Variants in ANKS1B observed in about 807,000 individuals in gnomAD.
ANKS1B encodes ankyrin repeat and sterile alpha motif domain-containing protein 1B.
In ANKS1B, 36 loss-of-function variants were observed where a neutral mutation model predicts 148.3. That is an observed-to-expected ratio of 0.24 (90% CI 0.19 to 0.32). The LOEUF (loss-of-function observed/expected upper bound fraction) is 0.32, where lower values mean the gene tolerates loss of function less well. Ranked by LOEUF, ANKS1B falls within the 10% of genes least tolerant of loss-of-function variation. ANKS1B has a pLI of 1.00. For missense variants in ANKS1B, 1,157 were observed against 1,542.6 expected (o/e 0.75, Z 4.19); for synonymous variants, 542 against 560.8 (o/e 0.97, Z 0.47).
At chr12:99,220,026 A>G (rs1046645062) in intron 14 of ANKS1B, among the ~76,000 whole-genome samples, 12 of 152,174 alleles carry the variant, frequency 7.9e-5, no homozygotes, top group African/African-American at 2.9e-4. Flanking sequence ...TTGAGATGGA[A>G]TCTTGCTCTG....
chr12:98,875,155 C>A (rs1357770447), intron 17 of ANKS1B, among the ~76,000 whole-genome samples: 1 of 152,196 alleles, frequency 6.6e-6, no homozygotes, highest in African/African-American at 2.4e-5. Flanking sequence ...GACAATTCTG[C>A]CTCCTTGCCT....
intron 4 of ANKS1B, among the ~76,000 whole-genome samples, chr12:99,784,137 C>G (rs1035364807): frequency 6.6e-6 from 1 of 151,498 alleles, no homozygotes; most frequent in Non-Finnish European, 1.5e-5. Context: ...TTCCAAACCT[C>G]ATACCCTATG....
chr12:99,904,379 G>A (rs2153775967), intron 1 of ANKS1B, among the ~76,000 whole-genome samples: 1 of 151,928 alleles, frequency 6.6e-6, no homozygotes, highest in Non-Finnish European at 1.5e-5. Flanking sequence ...TTTAGTAGAA[G>A]AGGGGTTTCA....
At chr12:99,477,098 T>G (rs1453731521) in intron 10 of ANKS1B, among the ~76,000 whole-genome samples, 3 of 152,286 alleles carry the variant, frequency 2.0e-5, no homozygotes, top group Middle Eastern at 6.8e-3. Context: ...CCAGAGGTCT[T>G]TGTAACCTGA....
chr12:99,377,554 G>C (rs1006866076), intron 12 of ANKS1B, among the ~76,000 whole-genome samples: 1 of 152,112 alleles, frequency 6.6e-6, no homozygotes, highest in Non-Finnish European at 1.5e-5. Flanking sequence ...ATTGTGACTA[G>C]TACAAAGCAT....
At chr12:99,626,422 A>T (rs1038217376) in intron 9 of ANKS1B, among the ~76,000 whole-genome samples, 1 of 152,160 alleles carries the variant, frequency 6.6e-6, no homozygotes, top group Non-Finnish European at 1.5e-5. Flanking sequence ...TCATCACTAC[A>T]TGTTTGAAAA....
chr12:98,766,830 T>A (rs1430274889), intron 25 of ANKS1B, among the ~76,000 whole-genome samples: 1 of 152,170 alleles, frequency 6.6e-6, no homozygotes, highest in African/African-American at 2.4e-5. Flanking sequence ...TTCCTTTTTT[T>A]TTGAGACAGA....
intron 17 of ANKS1B, among the ~76,000 whole-genome samples, chr12:98,882,556 C>T (rs1019407968): frequency 6.6e-5 from 10 of 152,064 alleles, no homozygotes; most frequent in Non-Finnish European, 1.0e-4. Flanking sequence ...CAAAAACTAG[C>T]TTTGTGATTT....
intron 9 of ANKS1B, among the ~76,000 whole-genome samples, chr12:99,609,360 A>G (rs1304249448): frequency 6.6e-6 from 1 of 151,968 alleles, no homozygotes; most frequent in Non-Finnish European, 1.5e-5. Flanking sequence ...CAAAACCAGT[A>G]AGTCTTTTAC....
chr12:99,636,063 C>CA (rs35614711), intron 9 of ANKS1B, among the ~76,000 whole-genome samples: 21,683 of 150,760 alleles, frequency 0.14, 1,749 homozygotes, highest in Middle Eastern at 0.19. Flanking sequence ...TTTTACACCA[C>CA]AAAAAAAAGA....
At chr12:99,524,274 T>C (rs763143747) in intron 9 of ANKS1B, among the ~76,000 whole-genome samples, 25 of 152,166 alleles carry the variant, frequency 1.6e-4, no homozygotes, top group Non-Finnish European at 2.2e-4. Context: ...AAAGAATGAA[T>C]GACAGAAAGG....
chr12:99,737,090 G>A (rs1204191367), intron 8 of ANKS1B, among the ~76,000 whole-genome samples: 1 of 152,118 alleles, frequency 6.6e-6, no homozygotes, highest in African/African-American at 2.4e-5. Flanking sequence ...TGATAAAAAT[G>A]TAAATTAGTA....
intron 1 of ANKS1B, among the ~76,000 whole-genome samples, chr12:99,926,731 T>C (rs2153803643): frequency 1.3e-5 from 2 of 152,346 alleles, no homozygotes; most frequent in South Asian, 4.1e-4. Flanking sequence ...AGAACCCTAA[T>C]ACACACTGCA....
intron 19 of ANKS1B, 75 bp from the exon 20 acceptor site, chr12:98,807,993 G>T: frequency 9.0e-7 from 1 of 1,107,140 alleles, no homozygotes; most frequent in Non-Finnish European, 1.3e-6. Context: ...ATCCAGGAAG[G>T]AAAAGAGGAA....
intron 1 of ANKS1B, among the ~76,000 whole-genome samples, chr12:99,983,210 T>C (rs568743829): frequency 3.0e-4 from 45 of 152,208 alleles, no homozygotes; most frequent in Non-Finnish European, 5.9e-4. Context: ...TTCCCTTGAA[T>C]TGTATCTAGT....
intron 11 of ANKS1B, among the ~76,000 whole-genome samples, chr12:99,427,520 T>C (rs191577555): frequency 2.0e-5 from 3 of 152,286 alleles, no homozygotes; most frequent in Admixed American, 2.0e-4. Flanking sequence ...TGATTCCAAG[T>C]AGTGACTCCT....
chr12:99,728,905 T>C (rs1295817437), intron 8 of ANKS1B, among the ~76,000 whole-genome samples: 1 of 152,180 alleles, frequency 6.6e-6, no homozygotes, highest in African/African-American at 2.4e-5. Flanking sequence ...AAACACCGCA[T>C]GTTTTCACTC....
At chr12:99,781,489 T>A (rs1432771882) in intron 5 of ANKS1B, among the ~76,000 whole-genome samples, 1 of 152,180 alleles carries the variant, frequency 6.6e-6, no homozygotes, top group Non-Finnish European at 1.5e-5. Context: ...GCCAACTTTA[T>A]TGTTCCTTCA....
At chr12:99,860,649 A>G (rs1380779137) in intron 1 of ANKS1B, among the ~76,000 whole-genome samples, 1 of 152,216 alleles carries the variant, frequency 6.6e-6, no homozygotes, top group Non-Finnish European at 1.5e-5. Context: ...AACTCCATAC[A>G]TTGTTAAAGA....
Sources: allele counts gnomAD v4.1 joint callset (sites outside exome capture counted in the v4.1 genomes callset), GRCh38; gene constraint gnomAD v4.1.1; transcripts MANE v1.5; gene names NCBI Gene and HGNC (gene_info 2026-07-23, HGNC 2026-07-21).